Variants in CSMD3 observed in about 807,000 individuals in gnomAD.
The protein encoded by CSMD3 is CUB and sushi domain-containing protein 3.
Under a neutral mutation model 435.2 loss-of-function variants are expected in CSMD3, and 177 were observed. The ratio of observed to expected loss-of-function variants is 0.41; its 90% CI spans 0.36 to 0.46. The LOEUF is 0.46. CSMD3 is among the 20% of genes least tolerant of loss of function. The pLI is 0.34. For missense variants in CSMD3, 4,265 were observed against 4,504.6 expected (o/e 0.95, Z 1.52); for synonymous variants, 1,656 against 1,520.5 (o/e 1.09, Z -2.07).
chr8:112,952,347 T>C (rs1008406542), intron 8 of CSMD3, among the ~76,000 whole-genome samples: 33 of 151,828 alleles, frequency 2.2e-4, no homozygotes, highest in African/African-American at 7.7e-4. Context: ...CTTTGGGCCG[T>C]GCCCATCATA....
At chr8:113,084,421 A>C (rs549033297) in intron 5 of CSMD3, among the ~76,000 whole-genome samples, 1 of 152,180 alleles carries the variant, frequency 6.6e-6, no homozygotes, top group African/African-American at 2.4e-5. Context: ...CTACAATAAA[A>C]ACTAAAATGT....
chr8:113,284,875 A>C (rs766146900), intron 2 of CSMD3, among the ~76,000 whole-genome samples: 3 of 152,168 alleles, frequency 2.0e-5, no homozygotes, highest in Non-Finnish European at 4.4e-5. Context: ...GTTTCTTTGA[A>C]AATTGTACCA....
At chr8:112,420,388 A>G (rs1460565805) in intron 32 of CSMD3, among the ~76,000 whole-genome samples, 4 of 152,174 alleles carry the variant, frequency 2.6e-5, no homozygotes, top group Non-Finnish European at 4.4e-5. Flanking sequence ...AATAGCCACA[A>G]TATAATTACC....
rs889257897 is a variant in CSMD3 at position 113,377,109 on chromosome 8, C to T, written c.178+59568G>A. On this transcript the variant is annotated intron_variant, in intron 1 of 70. Coordinates refer to ENST00000297405, the MANE Select transcript of CSMD3 (RefSeq NM_198123.2). ...TGGCGCTGGACTCCCCCAAGGGCTG[C>T]GGCGTCGTCCGGCTCTCCGGTCCTC... The T allele has an allele frequency of 9.5e-6, 12 of 1,263,362 alleles. No homozygotes were observed. The Admixed American group carries it at 1.3e-4, about 13-fold the overall frequency. 78.3% of individuals were successfully genotyped at this position (1,263,362 alleles called of 1,614,324 possible).
chr8:112,820,265 C>A (rs1055999601), intron 12 of CSMD3, among the ~76,000 whole-genome samples: 17 of 151,988 alleles, frequency 1.1e-4, no homozygotes, highest in African/African-American at 4.1e-4. Flanking sequence ...ATGGATTAAA[C>A]CCTATGAGAA....
intron 10 of CSMD3, among the ~76,000 whole-genome samples, chr8:112,886,973 T>C (rs1316690875): frequency 6.6e-6 from 1 of 151,592 alleles, no homozygotes; most frequent in East Asian, 2.0e-4. Context: ...TTTGGAGGGC[T>C]GACTGTATGG....
chr8:112,529,371 C>T (rs1017358283), intron 27 of CSMD3, among the ~76,000 whole-genome samples: 7 of 151,970 alleles, frequency 4.6e-5, no homozygotes, highest in Admixed American at 1.3e-4. Flanking sequence ...TTTGAAAGGC[C>T]GAGTTCAGGA....
chr8:112,592,085 G>T (rs957102750), intron 22 of CSMD3, among the ~76,000 whole-genome samples: 3 of 151,510 alleles, frequency 2.0e-5, no homozygotes, highest in South Asian at 2.1e-4. Flanking sequence ...ATTTGTGTGT[G>T]TTTTTTTTAG....
chr8:113,005,824 C>T (rs2086035895), intron 6 of CSMD3, among the ~76,000 whole-genome samples: 1 of 151,940 alleles, frequency 6.6e-6, no homozygotes, highest in African/African-American at 2.4e-5. Flanking sequence ...TCTGGTTCAT[C>T]CTAGCCTGCA....
chr8:113,145,462 T>C (rs2091650949), intron 4 of CSMD3, among the ~76,000 whole-genome samples: 1 of 151,622 alleles, frequency 6.6e-6, no homozygotes, highest in Admixed American at 6.6e-5. Flanking sequence ...TCCTTTCTTC[T>C]TAATTTCCTT....
At chr8:113,228,120 A>G (rs1187100456) in intron 3 of CSMD3, among the ~76,000 whole-genome samples, 1 of 151,622 alleles carries the variant, frequency 6.6e-6, no homozygotes, top group Non-Finnish European at 1.5e-5. Flanking sequence ...TAATGTAATA[A>G]CATAATAATA....
At chr8:112,431,890 A>C (rs2130402666) in intron 32 of CSMD3, among the ~76,000 whole-genome samples, 1 of 152,206 alleles carries the variant, frequency 6.6e-6, no homozygotes. Flanking sequence ...TTTTCATACT[A>C]ATTTCCACAC....
chr8:112,490,547 C>T (rs1035042073), intron 31 of CSMD3, among the ~76,000 whole-genome samples: 1 of 152,086 alleles, frequency 6.6e-6, no homozygotes, highest in Non-Finnish European at 1.5e-5. Context: ...GACTTTTTCA[C>T]CTGTCATTGA....
At chr8:112,254,101 T>C in intron 63 of CSMD3, 152 bp downstream of exon 63, 1 of 692,192 alleles carries the variant, frequency 1.4e-6, no homozygotes, top group Non-Finnish European at 2.6e-6. Context: ...TTTCCTTTAC[T>C]TCCACTCTTT....
intron 5 of CSMD3, among the ~76,000 whole-genome samples, chr8:113,091,558 T>C (rs1564304266): frequency 6.6e-6 from 1 of 152,044 alleles, no homozygotes; most frequent in African/African-American, 2.4e-5. Context: ...TATTGGCATA[T>C]AGTTAATCAC....
At chr8:113,286,732 A>C (rs1482530783) in intron 2 of CSMD3, among the ~76,000 whole-genome samples, 1 of 152,048 alleles carries the variant, frequency 6.6e-6, no homozygotes, top group Non-Finnish European at 1.5e-5. Flanking sequence ...TATTTATTTA[A>C]ATGTAATGTG....
In CSMD3 at chr8:113,374,818, T is replaced by TAAAAAAAAAAAAAAAAAAA. The variant is rs1215451792; in HGVS notation, c.179-60044_179-60026dup. ...CCATATGCACCTTGTTGTTAAAAAG[T>TAAAAAAAAAAAAAAAAAAA]AAAAAAAAAAAAAAAAAAAAAAAAA... On this transcript the variant is annotated intron_variant, in intron 1 of 70. Coordinates refer to ENST00000297405, the MANE Select transcript of CSMD3 (RefSeq NM_198123.2). 6.8e-4 allele frequency among the ~76,000 whole-genome samples: 19 copies of TAAAAAAAAAAAAAAAAAAA among 28,114 alleles called. 1 individual carries two copies. The highest frequency in any genetic ancestry group is 1.8e-3 in the African/African-American group (15 of 8,432). The allele number at this position is 28,114 out of a possible 152,430, so 18.4% of individuals were successfully genotyped here.
At chr8:113,364,334 T>C (rs1334586293) in intron 1 of CSMD3, among the ~76,000 whole-genome samples, 1 of 151,932 alleles carries the variant, frequency 6.6e-6, no homozygotes, top group Non-Finnish European at 1.5e-5. Context: ...CTATGTATAG[T>C]TGAGGAGAAT....
chr8:112,340,432 T>C (rs1824984056), intron 42 of CSMD3, among the ~76,000 whole-genome samples: 1 of 152,186 alleles, frequency 6.6e-6, no homozygotes. Flanking sequence ...CTATCTTAAC[T>C]ACTTTCAAAT....
Sources: allele counts gnomAD v4.1 joint callset (sites outside exome capture counted in the v4.1 genomes callset), GRCh38; gene constraint gnomAD v4.1.1; transcripts MANE v1.5; gene names NCBI Gene and HGNC (gene_info 2026-07-23, HGNC 2026-07-21).